The following DOT1L variants were observed in gnomAD, a reference collection of about 807,000 sequenced individuals.
The protein encoded by DOT1L is histone-lysine N-methyltransferase, H3 lysine-79 specific.
In DOT1L, 33 loss-of-function variants were observed where a neutral mutation model predicts 153.3. The ratio of observed to expected loss-of-function variants is 0.22; its 90% CI spans 0.16 to 0.29. The LOEUF (loss-of-function observed/expected upper bound fraction) is 0.29. DOT1L is among the 10% of genes least tolerant of loss of function. The pLI is 1.00. For missense variants in DOT1L, 1,847 were observed against 2,119.9 expected (o/e 0.87, Z 2.53); for synonymous variants, 1,135 against 965.1 (o/e 1.18, Z -3.26).
Position 2,191,000 on chromosome 19 carries a change from C to A in DOT1L, c.265-12C>A. On this transcript the variant is annotated splice_polypyrimidine_tract_variant and intron_variant, in intron 4 of 27. Coordinates refer to ENST00000398665, the MANE Select transcript of DOT1L (RefSeq NM_032482.3). This position sits in a 1 kb window ranked among gnomAD's most constrained non-coding sequence, Gnocchi z 4.8. ...GTTTATGTGACATGGCCGGGCCACC[C>A]TCCGTCCGCAGTGGAAGGGCACCAC... The A allele has an allele frequency of 6.3e-7, 1 of 1,585,050 alleles. No homozygotes were observed. Among genetic ancestry groups the A allele is most frequent in the Non-Finnish European group, 8.6e-7 (1 of 1,169,238 alleles).
rs1299215346 is a variant in DOT1L, at chr19:2,227,688, C to G, written c.4606+561C>G. ...GCCTGCGGCTGCTGCTCTGCGCTTG[C>G]CTGGATGCTGCCGCTTGTTGAAGCT... On this transcript the variant is annotated intron_variant, in intron 27 of 27. Transcript: ENST00000398665. The G allele has an allele frequency of 2.3e-6, 3 of 1,294,542 alleles. No homozygotes were observed. In the South Asian group the frequency reaches 3.7e-5, roughly 16 times the overall value. 80.2% of individuals were successfully genotyped at this position (1,294,542 alleles called of 1,614,324 possible).
chr19:2,168,920 G>C (rs2020026256), intron 1 of DOT1L, among the ~76,000 whole-genome samples: 1 of 152,142 alleles, frequency 6.6e-6, no homozygotes, highest in Non-Finnish European at 1.5e-5. Flanking sequence ...GGCCCTGCGT[G>C]GTATTTCTAG....
At chr19:2,192,430 G>T (rs1044930666) in intron 5 of DOT1L, among the ~76,000 whole-genome samples, 2 of 152,224 alleles carry the variant, frequency 1.3e-5, no homozygotes, top group South Asian at 4.1e-4. Flanking sequence ...CACTTTGGGA[G>T]GCCAAAGCAG....
chr19:2,223,357 C>G lies in DOT1L; in HGVS notation c.3467C>G (p.Pro1156Arg). 1 of 1,613,800 alleles carries G rather than the reference C, an allele frequency of 6.2e-7. No homozygotes were observed. Among genetic ancestry groups the G allele is most frequent in the Non-Finnish European group, 8.5e-7 (1 of 1,179,978 alleles). The change falls in exon 25 of 28, where the codon CCC becomes CGC. Residue 1156 changes from proline (P) to arginine (R), a missense_variant. Pro to Arg is a moderately radical substitution (Grantham distance 103, BLOSUM62 -2). Around this residue, in one of 8 missense-constraint regions of DOT1L, gnomAD observed 934 missense variants for 825.3 expected, o/e 1.13. Coordinates refer to ENST00000398665, the MANE Select transcript of DOT1L (RefSeq NM_032482.3). ...PETSLKSSPV[P>R]YQDHDQPPVL... ...ACCTCCCTGAAGAGCTCCCCTGTGC[C>G]CTACCAGGACCACGACCAGCCCCCC...
chr19:2,209,546 G>A (rs578232988), intron 12 of DOT1L, among the ~76,000 whole-genome samples: 20 of 152,252 alleles, frequency 1.3e-4, no homozygotes, highest in Non-Finnish European at 2.4e-4. Flanking sequence ...CGCCCTGCAC[G>A]CGCTGCACCG....
rs572748675 is a variant in DOT1L, at chr19:2,191,678, C to T, written c.493+438C>T. Reference sequence around the variant, plus strand: ...CCACAGCGGCTGGAAAGGTCCCCCGCGGAGGAAGACCCCAGGTCCCTGGGC... The same window carrying T: ...CCACAGCGGCTGGAAAGGTCCCCCGTGGAGGAAGACCCCAGGTCCCTGGGC... On this transcript the variant is annotated intron_variant, in intron 5 of 27. Coordinates refer to ENST00000398665, the MANE Select transcript of DOT1L (RefSeq NM_032482.3). The surrounding 1 kb of genome is among the most constrained non-coding windows in gnomAD (Gnocchi z 6.8). Among the ~76,000 whole-genome samples, 3 of 152,286 alleles carry T rather than the reference C, an allele frequency of 2.0e-5. No homozygotes were observed. The highest frequency in any genetic ancestry group is 2.1e-4 in the South Asian group (1 of 4,830).
At position 2,219,571 on chromosome 19, in the gene DOT1L, G is replaced by A. The variant is rs79670723; in HGVS notation, c.2692-537G>A. 8.4e-3 allele frequency among the ~76,000 whole-genome samples: 1,273 copies of A among 152,314 alleles called. 7 individuals are homozygous for A. The highest frequency in any genetic ancestry group is 0.013 in the Non-Finnish European group (905 of 68,030). ...GATTGTGAATCGTTCTGCTGTGAGC[G>A]CTGGGGTCCAGGTTTCTGTGTGGAT... On this transcript the variant is annotated intron_variant, in intron 22 of 27. Transcript: ENST00000398665.
In DOT1L at chr19:2,193,598, C is replaced by T; in HGVS notation, c.494-91C>T. ...CCTCCCCTGTGGGTCTTCATGGCCGCATTCTTGTGGCCTCTGTCTCCGAGC... is the reference window on the plus strand; with the variant it reads ...CCTCCCCTGTGGGTCTTCATGGCCGTATTCTTGTGGCCTCTGTCTCCGAGC... On this transcript the variant is annotated intron_variant, in intron 5 of 27. Transcript: ENST00000398665. The surrounding 1 kb of genome is among the most constrained non-coding windows in gnomAD (Gnocchi z 5.9). 3 of 1,264,188 alleles carry T rather than the reference C, an allele frequency of 2.4e-6. No homozygotes were observed. The highest frequency in any genetic ancestry group is 1.5e-5 in the African/African-American group (1 of 68,204). 78.3% of individuals were successfully genotyped at this position (1,264,188 alleles called of 1,614,324 possible). A position where few individuals can be genotyped will look rare whatever the true frequency, so the allele number is the denominator to read the frequency against.
chr19:2,169,466 A>AGAT (rs1220079447), intron 1 of DOT1L, among the ~76,000 whole-genome samples: 1 of 152,180 alleles, frequency 6.6e-6, no homozygotes, highest in African/African-American at 2.4e-5. Flanking sequence ...GAAACTCTGC[A>AGAT]GATGATACAG....
Position 2,220,186 on chromosome 19 carries a change from G to A in DOT1L, c.2770G>A (p.Gly924Ser), listed in dbSNP as rs1212427702. Residue 924 changes from glycine to serine, a missense_variant, in exon 23 of 28, where the codon GGT becomes AGT. By Grantham distance (56) the Gly-to-Ser change is moderately conservative (BLOSUM62 0). Transcript: ENST00000398665. The surrounding 1 kb of genome is among the most constrained non-coding windows in gnomAD (Gnocchi z 4.5). ...LEKQIGANAH[G>S]AGSRSLALAP... is the part of the protein sequence containing the mutation. ...AAAGCAGATTGGTGCTAATGCCCAC[G>A]GTGCTGGGAGCAGAAGCCTTGCCCT... The A allele has an allele frequency of 6.2e-6, 10 of 1,613,516 alleles. No homozygotes were observed. Among genetic ancestry groups the A allele is most frequent in the South Asian group, 2.2e-5 (2 of 91,070 alleles).
chr19:2,195,198 G>C (rs1490224976), intron 7 of DOT1L, among the ~76,000 whole-genome samples: 83 of 152,068 alleles, frequency 5.5e-4, no homozygotes, highest in Non-Finnish European at 4.4e-5. Context: ...TCCTGACCCA[G>C]GTTGGGTGAT....
chr19:2,229,976 C>A lies in DOT1L; in HGVS notation c.*184C>A. 5.8e-6 allele frequency: 5 copies of A among 859,420 alleles called. No homozygotes were observed. Among genetic ancestry groups the A allele is most frequent in the South Asian group, 4.9e-5 (3 of 61,854 alleles). 53.2% of individuals were successfully genotyped at this position (859,420 alleles called of 1,614,324 possible). A position where few individuals can be genotyped will look rare whatever the true frequency, so the allele number is the denominator to read the frequency against. ...CTGGGACTGGTCCAGTTTGTACTGT[C>A]GATAGTTTTAGATAAAGTATTTATC... On this transcript the variant is annotated 3_prime_UTR_variant, in exon 28 of 28. Coordinates refer to ENST00000398665, the MANE Select transcript of DOT1L (RefSeq NM_032482.3).
intron 27 of DOT1L, 44 bp downstream of exon 27, chr19:2,227,171 C>T (rs1395242689): frequency 1.3e-6 from 2 of 1,579,120 alleles, no homozygotes; most frequent in Admixed American, 1.7e-5. Flanking sequence ...CCGGCCCCCG[C>T]CGGAGGCCCC....
chr19:2,223,564 G>T, intron 25 of DOT1L, 78 bp downstream of exon 25: 2 of 338,090 alleles, frequency 5.9e-6, no homozygotes, highest in African/African-American at 2.3e-5. Context: ...GTGTGTGGGT[G>T]GGTGGGTGGG....
chr19:2,227,586 A>G (rs2024405908), intron 27 of DOT1L: 1 of 915,530 alleles, frequency 1.1e-6, no homozygotes. Flanking sequence ...GCGGGCCACC[A>G]CGAGCCTGGC....
At chr19:2,185,004 T>A (rs770583550) in intron 2 of DOT1L, among the ~76,000 whole-genome samples, 3 of 152,206 alleles carry the variant, frequency 2.0e-5, no homozygotes, top group Non-Finnish European at 4.4e-5. Context: ...CATAAAACTC[T>A]GAGAAAGTTT....
chr19:2,174,787 TAAA>T (rs79261543), intron 1 of DOT1L, among the ~76,000 whole-genome samples: 5 of 133,072 alleles, frequency 3.8e-5, no homozygotes, highest in Non-Finnish European at 3.3e-5. Flanking sequence ...CCCAGCTAGT[TAAA>T]AAAAAAAAAA....
Position 2,180,760 on chromosome 19 carries a change from A to G in DOT1L, c.125+4A>G. 1.2e-6 allele frequency: 2 copies of G among 1,613,966 alleles called. No individual in the cohort carries two copies. Among genetic ancestry groups the G allele is most frequent in the Non-Finnish European group, 1.7e-6 (2 of 1,179,994 alleles). ...ATGAAATCATCGAGACCATCCGGTG[A>G]GTGCACGGCCTGCAGTGTGTTGTCT... On this transcript the variant is annotated splice_donor_region_variant and intron_variant, in intron 2 of 27. Transcript: ENST00000398665.
intron 1 of DOT1L, among the ~76,000 whole-genome samples, chr19:2,167,952 C>T (rs1217074058): frequency 6.6e-6 from 1 of 152,146 alleles, no homozygotes; most frequent in Non-Finnish European, 1.5e-5. Context: ...CCAGGCTGGT[C>T]TCAAACTCCT....
Sources: allele counts gnomAD v4.1 joint callset (sites outside exome capture counted in the v4.1 genomes callset), GRCh38; gene constraint gnomAD v4.1.1; regional missense constraint gnomAD v4.1.1; non-coding constraint Gnocchi (gnomAD v3.1); transcripts MANE v1.5; gene names NCBI Gene and HGNC (gene_info 2026-07-23, HGNC 2026-07-21).